Variants in CPA6 observed in about 807,000 individuals in gnomAD.
CPA6 encodes the protein carboxypeptidase B.
Under a neutral mutation model 63.3 loss-of-function variants are expected in CPA6, and 58 were observed. The ratio of observed to expected loss-of-function variants is 0.92; its 90% CI spans 0.74 to 1.14. The LOEUF is 1.14. Ranked by LOEUF, CPA6 falls within the 50% of genes most tolerant of loss-of-function variation. The probability of loss-of-function intolerance (pLI) is 0.00; values close to 1 mark genes in which losing one functional copy is unlikely to be tolerated. For synonymous variants in CPA6, 185 were observed against 179.0 expected, an observed-to-expected ratio of 1.03 and a Z score of -0.27; for missense variants, 565 against 526.6, an observed-to-expected ratio of 1.07 and a Z score of -0.71.
intron 8 of CPA6, among the ~76,000 whole-genome samples, chr8:67,440,105 C>G (rs960630231): frequency 1.3e-5 from 2 of 152,166 alleles, no homozygotes; most frequent in African/African-American, 4.8e-5. Context: ...TATTCTCGTA[C>G]AGTTCTTGAG....
chr8:67,552,395 G>C (rs767590368), intron 2 of CPA6, among the ~76,000 whole-genome samples: 1 of 152,196 alleles, frequency 6.6e-6, no homozygotes, highest in Non-Finnish European at 1.5e-5. Context: ...ACTATGTGCT[G>C]AGTATAGGTG....
At chr8:67,510,138 ACT>A (rs1177050060) in intron 4 of CPA6, among the ~76,000 whole-genome samples, 3 of 151,968 alleles carry the variant, frequency 2.0e-5, no homozygotes, top group Non-Finnish European at 2.9e-5. Context: ...CAGAGGGCAA[ACT>A]CTGAATAATT....
rs552041509 is a variant in CPA6 at position 67,455,663 on chromosome 8, C to CAAAAAAAAAAAAA, written c.839-21436_839-21424dup. ...TAGTGAAGCCCCTTCTCTACAAAAG[C>CAAAAAAAAAAAAA]AAAAAAAAAAAAAAAAAAAAAAAAA... On this transcript the variant is annotated intron_variant, in intron 8 of 10. Coordinates refer to ENST00000297770, the MANE Select transcript of CPA6 (RefSeq NM_020361.5). Among the ~76,000 whole-genome samples, 30 of 30,254 alleles carry CAAAAAAAAAAAAA rather than the reference C, an allele frequency of 9.9e-4. 2 individuals are homozygous for CAAAAAAAAAAAAA. Among genetic ancestry groups the CAAAAAAAAAAAAA allele is most frequent in the African/African-American group, 1.4e-3 (9 of 6,408 alleles). The allele number at this position is 30,254 out of a possible 152,430, so 19.8% of individuals were successfully genotyped here.
At chr8:67,543,895 T>C (rs1375811687) in intron 2 of CPA6, among the ~76,000 whole-genome samples, 1 of 151,982 alleles carries the variant, frequency 6.6e-6, no homozygotes, top group Non-Finnish European at 1.5e-5. Context: ...GTGATCCTCC[T>C]GACTCAGCCT....
chr8:67,495,699 T>C (rs1418334733), intron 6 of CPA6, among the ~76,000 whole-genome samples: 1 of 152,106 alleles, frequency 6.6e-6, no homozygotes, highest in Non-Finnish European at 1.5e-5. Flanking sequence ...TCTTTTTCTC[T>C]TTTTTTGAGA....
At chr8:67,565,329 A>G (rs1403903837) in intron 2 of CPA6, among the ~76,000 whole-genome samples, 1 of 152,198 alleles carries the variant, frequency 6.6e-6, no homozygotes, top group African/African-American at 2.4e-5. Context: ...GCAGAAAAAC[A>G]AAAATGACAA....
At chr8:67,651,505 T>C (rs1815836837) in intron 1 of CPA6, among the ~76,000 whole-genome samples, 1 of 152,126 alleles carries the variant, frequency 6.6e-6, no homozygotes, top group Non-Finnish European at 1.5e-5. Flanking sequence ...GTTTTCTATA[T>C]AGATATGATA....
At chr8:67,565,771 T>C (rs532241023) in intron 2 of CPA6, among the ~76,000 whole-genome samples, 65 of 152,320 alleles carry the variant, frequency 4.3e-4, no homozygotes, top group African/African-American at 1.4e-3. Flanking sequence ...GTTTTATTTG[T>C]AATGTCAGTT....
intron 1 of CPA6, among the ~76,000 whole-genome samples, chr8:67,627,897 C>G (rs1039616761): frequency 3.9e-5 from 6 of 152,100 alleles, no homozygotes; most frequent in African/African-American, 1.4e-4. Flanking sequence ...AAACTATTAC[C>G]GAATGCCTTC....
In CPA6 at chr8:67,513,902, A is replaced by G. The variant is rs1587509609; in HGVS notation, c.318-2247T>C. Among the ~76,000 whole-genome samples, 6 of 152,096 alleles carry G rather than the reference A, an allele frequency of 3.9e-5. 1 individual carries two copies. Among genetic ancestry groups the G allele is most frequent in the Admixed American group, 3.9e-4 (6 of 15,280 alleles). ...TCTAAACTTTCTGAGTGATGCCATTACTCAGTACAAAACCACCTCCCCAAA... is the reference window on the plus strand; with the variant it reads ...TCTAAACTTTCTGAGTGATGCCATTGCTCAGTACAAAACCACCTCCCCAAA... On this transcript the variant is annotated intron_variant, in intron 3 of 10. Coordinates refer to ENST00000297770, the MANE Select transcript of CPA6 (RefSeq NM_020361.5).
At chr8:67,646,255 C>T (rs1314536686) in intron 1 of CPA6, among the ~76,000 whole-genome samples, 4 of 152,212 alleles carry the variant, frequency 2.6e-5, no homozygotes, top group African/African-American at 4.8e-5. Flanking sequence ...GAAGATTCCT[C>T]CCCTTTCTTT....
chr8:67,453,791 G>C (rs375670415), intron 8 of CPA6, among the ~76,000 whole-genome samples: 1 of 152,134 alleles, frequency 6.6e-6, no homozygotes, highest in African/African-American at 2.4e-5. Context: ...CATTAAAATT[G>C]TGTATATACC....
intron 1 of CPA6, among the ~76,000 whole-genome samples, chr8:67,712,975 A>C (rs936758084): frequency 1.3e-5 from 2 of 151,524 alleles, no homozygotes; most frequent in Non-Finnish European, 2.9e-5. Context: ...CCAAAGTGCA[A>C]AGAGTCATGA....
In CPA6 at chr8:67,640,502, G is replaced by A. The variant is rs139640607; in HGVS notation, c.117-16251C>T. ...CATGATTGGAGCAAGAACTAACAGT[G>A]GCGAGAAGTCAGACAGCAGGAGCAG... On this transcript the variant is annotated intron_variant, in intron 1 of 10. Coordinates refer to ENST00000297770, the MANE Select transcript of CPA6 (RefSeq NM_020361.5). 6.1e-3 allele frequency among the ~76,000 whole-genome samples: 930 copies of A among 151,310 alleles called. 35 individuals are homozygous for A. The highest frequency in any genetic ancestry group is 0.02 in the African/African-American group (825 of 40,736).
chr8:67,729,791 T>C (rs1247440431), intron 1 of CPA6, among the ~76,000 whole-genome samples: 1 of 152,196 alleles, frequency 6.6e-6, no homozygotes, highest in African/African-American at 2.4e-5. Context: ...ATATAAAATA[T>C]AGGAGATGTA....
At chr8:67,524,613 C>CATTTTTTTTTTTTTT (rs1554670781) in intron 2 of CPA6, among the ~76,000 whole-genome samples, 1 of 149,822 alleles carries the variant, frequency 6.7e-6, no homozygotes, top group African/African-American at 2.5e-5. Context: ...TTTGAAAAAA[C>CATTTTTTTTTTTTTT]TTTTTTTGTT....
At chr8:67,438,148 C>T (rs1810205559) in intron 8 of CPA6, among the ~76,000 whole-genome samples, 1 of 152,134 alleles carries the variant, frequency 6.6e-6, no homozygotes, top group South Asian at 2.1e-4. Flanking sequence ...GAACTCCTGA[C>T]CTCAAGTGAT....
At chr8:67,650,373 T>G (rs898065129) in intron 1 of CPA6, among the ~76,000 whole-genome samples, 4 of 152,160 alleles carry the variant, frequency 2.6e-5, no homozygotes, top group African/African-American at 9.7e-5. Context: ...GCTCATTCTC[T>G]GCAGTTCTCT....
chr8:67,665,311 C>A (rs530960451), intron 1 of CPA6, among the ~76,000 whole-genome samples: 1 of 152,170 alleles, frequency 6.6e-6, no homozygotes, highest in Non-Finnish European at 1.5e-5. Flanking sequence ...TAGGACCTTG[C>A]GTGACCGAGT....
Sources: allele counts gnomAD v4.1 joint callset (sites outside exome capture counted in the v4.1 genomes callset), GRCh38; gene constraint gnomAD v4.1.1; transcripts MANE v1.5; gene names NCBI Gene and HGNC (gene_info 2026-07-23, HGNC 2026-07-21).